NRG3: variants seen among roughly 807,000 people sequenced by gnomAD.
NRG3 encodes neuregulin 3, also known as pro-neuregulin-3, membrane-bound isoform.
A neutral mutation model predicts 66.9 loss-of-function variants in NRG3; 31 were observed. The ratio of observed to expected loss-of-function variants is 0.46; its 90% CI spans 0.35 to 0.63. NRG3 has a LOEUF of 0.63. Among genes scored for constraint, NRG3 ranks in the 20% least tolerant of loss-of-function variants. The pLI is 0.00. For missense variants in NRG3, 910 were observed against 878.9 expected (o/e 1.04, Z -0.45); for synonymous variants, 393 against 359.4 (o/e 1.09, Z -1.06).
At chr10:82,526,513 T>A (rs1469109461) in intron 2 of NRG3, among the ~76,000 whole-genome samples, 1 of 151,596 alleles carries the variant, frequency 6.6e-6, no homozygotes, top group East Asian at 1.9e-4. Flanking sequence ...ACCTAAAGCA[T>A]AAAGATAATG....
At chr10:82,199,495 T>C (rs1387762004) in intron 1 of NRG3, among the ~76,000 whole-genome samples, 1 of 152,196 alleles carries the variant, frequency 6.6e-6, no homozygotes, top group Non-Finnish European at 1.5e-5. Context: ...TTTATGTGAA[T>C]ATATAAACTG....
At chr10:82,728,355 A>G (rs2057721561) in intron 2 of NRG3, among the ~76,000 whole-genome samples, 1 of 152,114 alleles carries the variant, frequency 6.6e-6, no homozygotes, top group South Asian at 2.1e-4. Flanking sequence ...AATGGGAGGT[A>G]ATTGAATCGT....
chr10:82,203,529 T>G (rs915639784), intron 1 of NRG3, among the ~76,000 whole-genome samples: 1 of 152,192 alleles, frequency 6.6e-6, no homozygotes, highest in African/African-American at 2.4e-5. Flanking sequence ...TCTGGTGAAT[T>G]CAGCATAAAG....
intron 2 of NRG3, among the ~76,000 whole-genome samples, chr10:82,426,035 G>C (rs973458158): frequency 6.6e-6 from 1 of 152,102 alleles, no homozygotes; most frequent in Non-Finnish European, 1.5e-5. Flanking sequence ...AAGGTAAAAC[G>C]GGTTTTGCTA....
At chr10:82,876,222 G>A (rs1841807328) in intron 4 of NRG3, among the ~76,000 whole-genome samples, 1 of 152,006 alleles carries the variant, frequency 6.6e-6, no homozygotes, top group Middle Eastern at 3.4e-3. Context: ...TTTCCGTAAA[G>A]TTGTTAAATA....
At chr10:81,998,106 C>A (rs2061014322) in intron 1 of NRG3, among the ~76,000 whole-genome samples, 1 of 152,120 alleles carries the variant, frequency 6.6e-6, no homozygotes, top group African/African-American at 2.4e-5. Context: ...TGAAGCTCCG[C>A]ACTCTCAAAG....
intron 2 of NRG3, among the ~76,000 whole-genome samples, chr10:82,590,118 G>A (rs11195146): frequency 0.066 from 10,033 of 152,184 alleles, 465 homozygotes; most frequent in Non-Finnish European, 0.095. Flanking sequence ...GATTGAATTT[G>A]ATGTCCCAAT....
chr10:82,687,182 T>G (rs185899783), intron 2 of NRG3, among the ~76,000 whole-genome samples: 6 of 152,232 alleles, frequency 3.9e-5, no homozygotes, highest in Admixed American at 3.9e-4. Context: ...CAAGGCATAA[T>G]GGGCTTCAAA....
intron 2 of NRG3, among the ~76,000 whole-genome samples, chr10:82,650,382 T>G (rs1160439552): frequency 6.6e-6 from 1 of 152,234 alleles, no homozygotes; most frequent in Admixed American, 6.5e-5. Flanking sequence ...GTTTTGGTAC[T>G]TAATATGCTG....
At position 82,408,081 on chromosome 10, in the gene NRG3, GAGACAGAA is replaced by G. The variant is rs1207575058; in HGVS notation, c.953+49217_953+49224del. Among the ~76,000 whole-genome samples, 4 of 67,062 alleles carry G rather than the reference GAGACAGAA, an allele frequency of 6.0e-5. No individual in the cohort carries two copies. The East Asian group carries it at 1.3e-3, about 21-fold the overall frequency. The allele number at this position is 67,062 out of a possible 152,430, so 44.0% of individuals were successfully genotyped here. On this transcript the variant is annotated intron_variant, in intron 2 of 8. Coordinates refer to ENST00000372141, the MANE Select transcript of NRG3 (RefSeq NM_001010848.4). ...AGAGAGAGAGAGAGAGAGAGAGAGA[GAGACAGAA>G]AGAAAGAAAGAAAGAAAGAAAGAAA...
At chr10:82,035,716 G>T (rs1052662846) in intron 1 of NRG3, among the ~76,000 whole-genome samples, 3 of 152,028 alleles carry the variant, frequency 2.0e-5, no homozygotes, top group African/African-American at 7.2e-5. Context: ...CCTCTGGATT[G>T]TTTTTGTGGG....
intron 3 of NRG3, among the ~76,000 whole-genome samples, chr10:82,775,150 T>G (rs2059863621): frequency 6.6e-6 from 1 of 151,764 alleles, no homozygotes; most frequent in Non-Finnish European, 1.5e-5. Flanking sequence ...TTCTGATAAA[T>G]TTGGGTTTAG....
chr10:82,174,547 C>A (rs1336333469), intron 1 of NRG3, among the ~76,000 whole-genome samples: 1 of 152,068 alleles, frequency 6.6e-6, no homozygotes, highest in Non-Finnish European at 1.5e-5. Flanking sequence ...TTCAAGATCT[C>A]ATTCATTTAT....
chr10:82,327,945 A>T (rs1227497837), intron 1 of NRG3, among the ~76,000 whole-genome samples: 2 of 152,146 alleles, frequency 1.3e-5, no homozygotes, highest in African/African-American at 4.8e-5. Context: ...TCTTCCTCTT[A>T]AAAACACCAG....
intron 2 of NRG3, among the ~76,000 whole-genome samples, chr10:82,495,294 T>TA (rs771338290): frequency 7.9e-5 from 12 of 152,260 alleles, no homozygotes; most frequent in Non-Finnish European, 1.8e-4. Context: ...CTATCCCTCT[T>TA]ATGGTTTTAA....
chr10:82,735,620 A>G (rs1364521154), intron 2 of NRG3, among the ~76,000 whole-genome samples: 2 of 152,204 alleles, frequency 1.3e-5, no homozygotes, highest in Admixed American at 6.5e-5. Flanking sequence ...ACATGGATGA[A>G]GCTAGAATCC....
chr10:82,111,520 G>A (rs2067386339), intron 1 of NRG3, among the ~76,000 whole-genome samples: 1 of 152,064 alleles, frequency 6.6e-6, no homozygotes, highest in African/African-American at 2.4e-5. Flanking sequence ...CCAACATTCT[G>A]TCATCTTTTA....
At chr10:82,156,642 A>G (rs1253216505) in intron 1 of NRG3, among the ~76,000 whole-genome samples, 1 of 151,674 alleles carries the variant, frequency 6.6e-6, no homozygotes, top group African/African-American at 2.4e-5. Flanking sequence ...AGAATTGGAA[A>G]ATTGTGGAAT....
chr10:82,130,547 G>GGTAT (rs2068749626), intron 1 of NRG3, among the ~76,000 whole-genome samples: 1 of 151,818 alleles, frequency 6.6e-6, no homozygotes. Context: ...TTTTTGGGGG[G>GGTAT]GTATATACCT....
Sources: allele counts gnomAD v4.1 joint callset (sites outside exome capture counted in the v4.1 genomes callset), GRCh38; gene constraint gnomAD v4.1.1; transcripts MANE v1.5; gene names NCBI Gene and HGNC (gene_info 2026-07-23, HGNC 2026-07-21).